SCARF1: variants seen among roughly 807,000 people sequenced by gnomAD.
SCARF1 encodes acetyl LDL receptor.
SCARF1 carries 49 observed loss-of-function variants against 76.3 expected under a neutral mutation model. That is an observed-to-expected ratio of 0.64 (90% confidence interval 0.51 to 0.81). The LOEUF (loss-of-function observed/expected upper bound fraction) is 0.81. Ranked by LOEUF, SCARF1 falls within the 40% of genes least tolerant of loss-of-function variation. The pLI, the probability that SCARF1 is intolerant of heterozygous loss-of-function variation, is 0.00. For synonymous variants in SCARF1, 495 were observed against 474.6 expected (o/e 1.04, Z -0.56); for missense variants, 1,098 against 1,143.9 (o/e 0.96, Z 0.58).
At position 1,645,129 on chromosome 17, in the gene SCARF1, G is replaced by A. The variant is rs865866176; in HGVS notation, c.163+49C>T. 1 of 1,609,868 alleles carries A rather than the reference G, an allele frequency of 6.2e-7. No homozygotes were observed. Among genetic ancestry groups the A allele is most frequent in the Middle Eastern group, 1.7e-4 (1 of 6,012 alleles). ...GGGTAGGAAGGAAGGGTTGTCACTG[G>A]GCTACGGCCTCCCTTCTCCTTGGCT... On this transcript the variant is annotated intron_variant, in intron 2 of 10. Coordinates refer to ENST00000263071, the MANE Select transcript of SCARF1 (RefSeq NM_003693.4). This position sits in a 1 kb window ranked among gnomAD's most constrained non-coding sequence, Gnocchi z 6.3.
intron 6 of SCARF1, 73 bp from the exon 7 acceptor site, chr17:1,639,815 G>C: frequency 6.2e-7 from 1 of 1,608,044 alleles, no homozygotes; most frequent in South Asian, 1.1e-5. Context: ...CGGGCAGGGA[G>C]ATTTCTGGGC....
chr17:1,639,945 T>G lies in SCARF1; in HGVS notation c.1106A>C (p.Asp369Ala). The G allele has an allele frequency of 1.9e-6, 3 of 1,613,834 alleles. No homozygotes were observed. The highest frequency in any genetic ancestry group is 2.5e-6 in the Non-Finnish European group (3 of 1,179,930). ...VQGSCDTVTGDCVCSAGYWGP... is the reference protein window; with the variant it reads ...VQGSCDTVTGACVCSAGYWGP... Reference sequence around the variant, plus strand: ...CCAGTAGCCGGCACTGCAGACACAGTCCCCTGTCACAGTATCACAGGACCC... The same window carrying G: ...CCAGTAGCCGGCACTGCAGACACAGGCCCCTGTCACAGTATCACAGGACCC... Residue 369 changes from aspartate (D) to alanine (A), a missense_variant, in exon 6 of 11, where the codon GAC (aspartate) becomes GCC (alanine). Physicochemically the swap from Asp to Ala is moderately radical, Grantham distance 126. Coordinates refer to ENST00000263071, the MANE Select transcript of SCARF1 (RefSeq NM_003693.4).
intron 4 of SCARF1, among the ~76,000 whole-genome samples, chr17:1,641,144 G>A (rs1442527697): frequency 1.3e-5 from 2 of 152,216 alleles, no homozygotes; most frequent in Non-Finnish European, 2.9e-5. Context: ...CTGGGCCATG[G>A]ACTGGTACTA....
rs140680020 is a variant in SCARF1 at position 1,636,990 on chromosome 17, G to C, written c.1437C>G (p.Ser479=). 4 of 1,613,992 alleles carry C rather than the reference G, an allele frequency of 2.5e-6. No individual in the cohort carries two copies. Among genetic ancestry groups the C allele is most frequent in the Non-Finnish European group, 3.4e-6 (4 of 1,180,016 alleles). Residue 479 remains serine (S), a synonymous_variant, in exon 9 of 11, where the codon TCC becomes TCG. Transcript: ENST00000263071. The part of the protein sequence containing the change: ...QVWGTLTSLG[S]TLPCRSLSSH... ...AGCTGAGGGAACGGCAGGGCAGCGT[G>C]GAGCCCAAGCTGGTCAGTGTCCCCC...
In SCARF1 at chr17:1,645,542, G is replaced by C; in HGVS notation, c.101+55C>G. On this transcript the variant is annotated intron_variant, in intron 1 of 10. Transcript: ENST00000263071. This position sits in a 1 kb window ranked among gnomAD's most constrained non-coding sequence, Gnocchi z 6.3. ...AACACCGGTTCAGCCACCCGCATCA[G>C]ACTCCCACGAGACCCACCTGCTGGC... 6.4e-7 allele frequency: 1 copy of C among 1,569,856 alleles called. No individual in the cohort carries two copies. The highest frequency in any genetic ancestry group is 8.6e-7 in the Non-Finnish European group (1 of 1,164,152).
At chr17:1,639,795 A>C (rs1909882683) in intron 6 of SCARF1, 53 bp from the exon 7 acceptor site, 1 of 1,606,100 alleles carries the variant, frequency 6.2e-7, no homozygotes. Flanking sequence ...TGGGGGAGGC[A>C]GGCAGGAGAC....
chr17:1,636,988 G>A lies in SCARF1; in HGVS notation c.1439C>T (p.Thr480Met), dbSNP rs1316235512. ...GGAGCTGAGGGAACGGCAGGGCAGC[G>A]TGGAGCCCAAGCTGGTCAGTGTCCC... ...VWGTLTSLGSTLPCRSLSSHK... is the reference protein window; with the variant it reads ...VWGTLTSLGSMLPCRSLSSHK... The change falls in exon 9 of 11, where the codon ACG (threonine) becomes ATG (methionine). Residue 480 changes from threonine (T) to methionine (M), a missense_variant. Physicochemically the swap from Thr to Met is moderately conservative, Grantham distance 81 (BLOSUM62 -1). Coordinates refer to ENST00000263071, the MANE Select transcript of SCARF1 (RefSeq NM_003693.4). 6.2e-6 allele frequency: 10 copies of A among 1,613,826 alleles called. No homozygotes were observed. The highest frequency in any genetic ancestry group is 2.7e-5 in the African/African-American group (2 of 74,906).
At position 1,644,919 on chromosome 17, in the gene SCARF1, C is replaced by T. The variant is rs374706508; in HGVS notation, c.180G>A (p.Pro60=). The stretch of plus-strand genomic sequence containing the variant: ...ACACCTCGTCTTTCTGGCAGGCGTC[C>T]GGCCCCTCACAGATGGCTGAAAGAC... ...QECTIPICEG[P]DACQKDEVCV... The change falls in exon 3 of 11, where the codon CCG becomes CCA. Residue 60 remains proline (P), a synonymous_variant. Coordinates refer to ENST00000263071, the MANE Select transcript of SCARF1 (RefSeq NM_003693.4). This position sits in a 1 kb window ranked among gnomAD's most constrained non-coding sequence, Gnocchi z 4.8. 1.9e-5 allele frequency: 31 copies of T among 1,613,044 alleles called. No homozygotes were observed. The highest frequency in any genetic ancestry group is 1.3e-4 in the African/African-American group (10 of 74,926).
rs1441368605 is a variant in SCARF1, at chr17:1,640,746, C to T, written c.792-80G>A. The T allele has an allele frequency of 2.2e-6, 3 of 1,384,286 alleles. No individual in the cohort carries two copies. Among genetic ancestry groups the T allele is most frequent in the African/African-American group, 2.9e-5 (2 of 69,914 alleles). 85.8% of individuals were successfully genotyped at this position (1,384,286 alleles called of 1,614,324 possible). A position where few individuals can be genotyped will look rare whatever the true frequency, so the allele number is the denominator to read the frequency against. ...CCCCCTCCTACCCCTGTACTCCACGCAGGCCTTCGGGGGCCCTGGAGAGTG... is the reference window on the plus strand; with the variant it reads ...CCCCCTCCTACCCCTGTACTCCACGTAGGCCTTCGGGGGCCCTGGAGAGTG... On this transcript the variant is annotated intron_variant, in intron 4 of 10. Coordinates refer to ENST00000263071, the MANE Select transcript of SCARF1 (RefSeq NM_003693.4). The surrounding 1 kb of genome is among the most constrained non-coding windows in gnomAD (Gnocchi z 4.7).
Position 1,645,689 on chromosome 17 carries a change from C to CA in SCARF1, c.8dup (p.Leu5AlafsTer34). 3 of 1,604,108 alleles carry CA rather than the reference C, an allele frequency of 1.9e-6. No homozygotes were observed. The highest frequency in any genetic ancestry group is 3.3e-4 in the Middle Eastern group (2 of 6,036). ...GCAGCAGCAGCGGGAGCAGCAGCCC[C>CA]AGCCCCATGGCAGGCAGCTCGGTGG... On this transcript the variant is annotated frameshift_variant, in exon 1 of 11. Transcript: ENST00000263071. LOFTEE classifies it high-confidence loss of function. This position sits in a 1 kb window ranked among gnomAD's most constrained non-coding sequence, Gnocchi z 6.3.
In SCARF1 at chr17:1,645,127, T is replaced by C. The variant is rs752260680; in HGVS notation, c.163+51A>G. 1 of 1,609,304 alleles carries C rather than the reference T, an allele frequency of 6.2e-7. No individual in the cohort carries two copies. Among genetic ancestry groups the C allele is most frequent in the Non-Finnish European group, 8.5e-7 (1 of 1,176,388 alleles). On this transcript the variant is annotated intron_variant, in intron 2 of 10. Transcript: ENST00000263071. The surrounding 1 kb of genome is among the most constrained non-coding windows in gnomAD (Gnocchi z 6.3). ...TGGGGTAGGAAGGAAGGGTTGTCAC[T>C]GGGCTACGGCCTCCCTTCTCCTTGG... is the stretch of plus-strand genomic sequence containing the variant.
rs1909294618 is a variant in SCARF1, at chr17:1,633,942, CA to C, written c.*815del. 1 of 151,866 alleles carries C rather than the reference CA, an allele frequency of 6.6e-6. No individual in the cohort carries two copies. Among genetic ancestry groups the C allele is most frequent in the South Asian group, 2.1e-4 (1 of 4,822 alleles). 9.4% of individuals were successfully genotyped at this position (151,866 alleles called of 1,614,324 possible). A position where few individuals can be genotyped will look rare whatever the true frequency, so the allele number is the denominator to read the frequency against. On this transcript the variant is annotated 3_prime_UTR_variant, in exon 11 of 11. Coordinates refer to ENST00000263071, the MANE Select transcript of SCARF1 (RefSeq NM_003693.4). ...TACTTTATCAAATTCAATCTAGTAA[CA>C]AAAGTAAAAAAGAATGTTCACTGTA...
intron 10 of SCARF1, among the ~76,000 whole-genome samples, chr17:1,636,361 G>A (rs1002006792): frequency 5.9e-5 from 9 of 152,340 alleles, no homozygotes; most frequent in African/African-American, 1.4e-4. Context: ...CTGGCCAGGC[G>A]CAGTGGCTCA....
rs746172979 is a variant in SCARF1 at position 1,640,105 on chromosome 17, C to T, written c.1011-65G>A. On this transcript the variant is annotated intron_variant, in intron 5 of 10. Transcript: ENST00000263071. This position sits in a 1 kb window ranked among gnomAD's most constrained non-coding sequence, Gnocchi z 4.7. ...AGGCCTGGCCCCCACTGTGGGGCCCCACCCCTCCGCCCCACGCTCCTGGAC... is the reference window on the plus strand; with the variant it reads ...AGGCCTGGCCCCCACTGTGGGGCCCTACCCCTCCGCCCCACGCTCCTGGAC... 6.4e-6 allele frequency: 10 copies of T among 1,570,496 alleles called. No individual in the cohort carries two copies. The highest frequency in any genetic ancestry group is 1.8e-5 in the Admixed American group (1 of 56,478).
At position 1,635,195 on chromosome 17, in the gene SCARF1, C is replaced by T. The variant is rs1598512776; in HGVS notation, c.2056G>A (p.Gly686Ser). ...AIEGSVQESSGPVTTIYMLAG... is the reference protein window; with the variant it reads ...AIEGSVQESSSPVTTIYMLAG... ...AGCATGTAGATCGTGGTCACAGGGC[C>T]CGAGCTCTCCTGGACGCTGCCCTCA... Residue 686 changes from glycine (G) to serine (S), a missense_variant, in exon 11 of 11, where the codon GGC (glycine) becomes AGC (serine). Physicochemically the swap from Gly to Ser is moderately conservative, Grantham distance 56. Coordinates refer to ENST00000263071, the MANE Select transcript of SCARF1 (RefSeq NM_003693.4). 1 of 1,613,274 alleles carries T rather than the reference C, an allele frequency of 6.2e-7. No individual in the cohort carries two copies. Among genetic ancestry groups the T allele is most frequent in the Admixed American group, 1.7e-5 (1 of 60,008 alleles).
rs564483882 is a variant in SCARF1, at chr17:1,637,905, C to T, written c.1365-843G>A. Among the ~76,000 whole-genome samples the T allele has an allele frequency of 4.6e-5, 7 of 152,318 alleles. 1 individual carries two copies. The highest frequency in any genetic ancestry group is 2.6e-4 in the Admixed American group (4 of 15,302). ...CTTTGCACCTGTCCTCGTGTCCCTGCGAGGGGCTTCTTCCCACCCTGGGCT... is the reference window on the plus strand; with the variant it reads ...CTTTGCACCTGTCCTCGTGTCCCTGTGAGGGGCTTCTTCCCACCCTGGGCT... On this transcript the variant is annotated intron_variant, in intron 8 of 10. Transcript: ENST00000263071.
In SCARF1 at chr17:1,636,788, G is replaced by A. The variant is rs1289814886; in HGVS notation, c.1554C>T (p.Ala518=). 1 of 1,613,888 alleles carries A rather than the reference G, an allele frequency of 6.2e-7. No individual in the cohort carries two copies. The highest frequency in any genetic ancestry group is 1.3e-5 in the African/African-American group (1 of 74,844). Residue 518 remains alanine (A), a synonymous_variant, in exon 10 of 11, where the codon GCC becomes GCT. Coordinates refer to ENST00000263071, the MANE Select transcript of SCARF1 (RefSeq NM_003693.4). ...GATCGGATGAGAAGGAGTCATCAGT[G>A]GCCCAGCCGGCAGAGGGCGGCTCGA... The part of the protein sequence containing the change: ...SFIEPPSAGW[A]TDDSFSSDPE...
At position 1,639,901 on chromosome 17, in the gene SCARF1, C is replaced by G; in HGVS notation, c.1139+11G>C. 6.2e-7 allele frequency: 1 copy of G among 1,612,844 alleles called. No homozygotes were observed. The highest frequency in any genetic ancestry group is 1.1e-5 in the South Asian group (1 of 90,956). On this transcript the variant is annotated intron_variant, in intron 6 of 10. Transcript: ENST00000263071. ...CTGGCACTCTCCCGCCCCCGGGATC[C>G]CCATCCTTACCTGGGCCCCCAGTAG...
chr17:1,642,911 A>G (rs556270479), intron 4 of SCARF1, among the ~76,000 whole-genome samples: 95 of 152,296 alleles, frequency 6.2e-4, no homozygotes, highest in African/African-American at 2.2e-3. Context: ...CATGTTGGCC[A>G]GGATGGTCTC....
Sources: gnomAD v4.1 joint callset for allele counts (sites outside exome capture counted in the v4.1 genomes callset) on GRCh38, gnomAD v4.1.1 for gene constraint, Gnocchi (gnomAD v3.1) non-coding constraint, MANE v1.5 for transcripts, NCBI Gene and HGNC (gene_info 2026-07-23, HGNC 2026-07-21) for gene names.